RIMKLB: variants seen among roughly 807,000 people sequenced by gnomAD.
RIMKLB encodes the protein beta-citrylglutamate synthase B.
A neutral mutation model predicts 32.0 loss-of-function variants in RIMKLB; 7 were observed. That is an observed-to-expected ratio of 0.22 (90% CI 0.12 to 0.41). The LOEUF (loss-of-function observed/expected upper bound fraction) is 0.41. Ranked by LOEUF, RIMKLB falls within the 10% of genes least tolerant of loss-of-function variation. The pLI is 1.00. For missense variants in RIMKLB, 289 were observed against 498.7 expected (o/e 0.58, Z 4.00); for synonymous variants, 172 against 185.1 (o/e 0.93, Z 0.57).
In RIMKLB at chr12:8,753,960, G is replaced by T; in HGVS notation, c.564G>T (p.Ala188=). 6.2e-7 allele frequency: 1 copy of T among 1,613,884 alleles called. No individual in the cohort carries two copies. Among genetic ancestry groups the T allele is most frequent in the Non-Finnish European group, 8.5e-7 (1 of 1,179,818 alleles). The change falls in exon 5 of 6, where the codon GCG becomes GCT. Residue 188 remains alanine (A), a synonymous_variant. Coordinates refer to ENST00000535829, the MANE Select transcript of RIMKLB (RefSeq NM_001297776.2). ...ADLSHLIRHE[A]PYLFQKYVKE... ...TAAGCCATCTTATTCGCCATGAAGC[G>T]CCATACCTGTTCCAGAAGTATGTTA...
chr12:8,758,179 C>T (rs994453201), intron 5 of RIMKLB, among the ~76,000 whole-genome samples: 13 of 151,974 alleles, frequency 8.6e-5, no homozygotes, highest in Non-Finnish European at 1.8e-4. Flanking sequence ...TCTGGTATCT[C>T]ATCTATGAAT....
At chr12:8,673,205 T>G in the RIMKLB span, among the ~76,000 whole-genome samples, 1 of 151,730 alleles carries the variant, frequency 6.6e-6, no homozygotes, top group Non-Finnish European at 1.5e-5. Flanking sequence ...TTCTTTAGAG[T>G]AATGCAAGAA....
rs764188781 is a variant in RIMKLB, at chr12:8,758,089, G to A, written c.697+3996G>A. Among the ~76,000 whole-genome samples the A allele has an allele frequency of 6.6e-5, 10 of 151,832 alleles. 1 individual carries two copies. The Middle Eastern group carries it at 0.014, about 207-fold the overall frequency. On this transcript the variant is annotated intron_variant, in intron 5 of 5. Transcript: ENST00000535829. ...TGGGATTACAGGCGTGAGCCACTGC[G>A]CCTGGCCTGTCATGTCATTATTTTA... is the stretch of plus-strand genomic sequence containing the variant.
chr12:8,672,425 G>C, the RIMKLB span, among the ~76,000 whole-genome samples: 1 of 152,150 alleles, frequency 6.6e-6, no homozygotes, highest in Non-Finnish European at 1.5e-5. Flanking sequence ...AAGAAAAAGA[G>C]GTTTAATTGA....
At chr12:8,762,933 C>T (rs1949652392) in intron 5 of RIMKLB, among the ~76,000 whole-genome samples, 1 of 151,982 alleles carries the variant, frequency 6.6e-6, no homozygotes, top group African/African-American at 2.4e-5. Flanking sequence ...CAGTTATGTT[C>T]TTTTTTTTAT....
intron 1 of RIMKLB, among the ~76,000 whole-genome samples, chr12:8,711,733 C>T (rs764109742): frequency 6.6e-5 from 10 of 151,680 alleles, no homozygotes; most frequent in African/African-American, 2.2e-4. Flanking sequence ...GGATATTCTA[C>T]GTCAGGTATT....
chr12:8,709,703 T>C (rs1944200850), intron 1 of RIMKLB, among the ~76,000 whole-genome samples: 1 of 152,256 alleles, frequency 6.6e-6, no homozygotes, highest in South Asian at 2.1e-4. Flanking sequence ...TTCTGTGGTT[T>C]CAGTTACGCC....
chr12:8,704,039 C>T (rs1473744341), intron 1 of RIMKLB, among the ~76,000 whole-genome samples: 1 of 152,124 alleles, frequency 6.6e-6, no homozygotes, highest in Non-Finnish European at 1.5e-5. Context: ...TAATAGAAGC[C>T]TGTGTTCCTC....
intron 5 of RIMKLB, among the ~76,000 whole-genome samples, chr12:8,760,450 T>A (rs916400771): frequency 1.3e-5 from 2 of 152,256 alleles, no homozygotes; most frequent in Non-Finnish European, 2.9e-5. Flanking sequence ...ATCCTTTGGA[T>A]ACATACCCAG....
chr12:8,731,958 C>T (rs1193832611), intron 2 of RIMKLB, among the ~76,000 whole-genome samples: 2 of 151,852 alleles, frequency 1.3e-5, no homozygotes, highest in African/African-American at 2.4e-5. Context: ...TTTCATGTGC[C>T]TTAACATTTT....
chr12:8,728,173 T>G (rs979746765), intron 2 of RIMKLB, among the ~76,000 whole-genome samples: 3 of 152,324 alleles, frequency 2.0e-5, no homozygotes, highest in African/African-American at 7.2e-5. Context: ...GTGGAAGTCT[T>G]TAGCCTATAA....
chr12:8,718,661 A>ATGTGTGTGTG (rs1287877829), intron 2 of RIMKLB, among the ~76,000 whole-genome samples: 20 of 118,498 alleles, frequency 1.7e-4, no homozygotes, highest in African/African-American at 6.0e-4. Flanking sequence ...CTCTATATAT[A>ATGTGTGTGTG]TATATATATG....
intron 5 of RIMKLB, among the ~76,000 whole-genome samples, chr12:8,768,108 T>TA (rs1280095350): frequency 6.6e-6 from 1 of 152,122 alleles, no homozygotes; most frequent in Non-Finnish European, 1.5e-5. Context: ...TGGTGAGTGT[T>TA]ATAGCTCTAT....
intron 2 of RIMKLB, among the ~76,000 whole-genome samples, chr12:8,716,777 C>A (rs920304475): frequency 5.1e-5 from 7 of 136,916 alleles, no homozygotes; most frequent in African/African-American, 1.9e-4. Context: ...CGCTCTGTCA[C>A]CTTGGCTGGA....
At chr12:8,736,000 G>A (rs1365218321) in intron 2 of RIMKLB, among the ~76,000 whole-genome samples, 2 of 152,144 alleles carry the variant, frequency 1.3e-5, no homozygotes, top group Non-Finnish European at 2.9e-5. Context: ...AAAGTGCTGG[G>A]ATTACAGGTG....
At chr12:8,721,397 GCTTT>G (rs1945425759) in intron 2 of RIMKLB, among the ~76,000 whole-genome samples, 1 of 152,192 alleles carries the variant, frequency 6.6e-6, no homozygotes, top group Non-Finnish European at 1.5e-5. Flanking sequence ...CCCTGCTGCT[GCTTT>G]GTCAACTCAA....
intron 5 of RIMKLB, among the ~76,000 whole-genome samples, chr12:8,767,601 A>G (rs951027748): frequency 6.6e-6 from 1 of 152,186 alleles, no homozygotes; most frequent in Admixed American, 6.5e-5. Context: ...GGGTGTACGC[A>G]TGGGCATCTG....
Position 8,776,805 on chromosome 12 carries a change from C to G in RIMKLB, c.*3021C>G. The G allele has an allele frequency of 1.0e-6, 1 of 985,550 alleles. No individual in the cohort carries two copies. The highest frequency in any genetic ancestry group is 1.2e-6 in the Non-Finnish European group (1 of 829,832). The allele number at this position is 985,550 out of a possible 1,614,324, so 61.1% of individuals were successfully genotyped here. On this transcript the variant is annotated 3_prime_UTR_variant, in exon 6 of 6. Transcript: ENST00000535829. ...AACAGTAGAAAAACCCAACAAGAGACTTGGCATTCATCAAGCACATTATCA... is the reference window on the plus strand; with the variant it reads ...AACAGTAGAAAAACCCAACAAGAGAGTTGGCATTCATCAAGCACATTATCA...
chr12:8,746,236 C>T lies in RIMKLB; in HGVS notation c.176-3626C>T, dbSNP rs146337982. 3.5e-3 allele frequency among the ~76,000 whole-genome samples: 531 copies of T among 151,708 alleles called. 16 individuals carry two copies. Among genetic ancestry groups the T allele is most frequent in the African/African-American group, 0.012 (507 of 41,104 alleles). On this transcript the variant is annotated intron_variant, in intron 2 of 5. Transcript: ENST00000535829. The stretch of plus-strand genomic sequence containing the variant: ...TCAAAATTTTTCATCCTCAAACTGG[C>T]GCCGAGGTTTTTTTCAATTTTTAGA...
Sources: allele counts gnomAD v4.1 joint callset (sites outside exome capture counted in the v4.1 genomes callset), GRCh38; gene constraint gnomAD v4.1.1; transcripts MANE v1.5; gene names NCBI Gene and HGNC (gene_info 2026-07-23, HGNC 2026-07-21).